The following PIGO variants were observed in gnomAD, a reference collection of about 807,000 sequenced individuals.
PIGO encodes phosphatidylinositol glycan anchor biosynthesis class O.
PIGO carries 66 observed loss-of-function variants against 86.9 expected under a neutral mutation model. The ratio of observed to expected loss-of-function variants is 0.76; its 90% CI spans 0.62 to 0.93. PIGO has a LOEUF of 0.93. PIGO is among the 40% of genes least tolerant of loss of function. The pLI, the probability that PIGO is intolerant of heterozygous loss-of-function variation, is 0.00. For synonymous variants in PIGO, 570 were observed against 556.4 expected (o/e 1.02, Z -0.34); for missense variants, 1,202 against 1,359.1 (o/e 0.88, Z 1.82).
chr9:35,095,539 G>A lies in PIGO; in HGVS notation c.27C>T (p.Phe9=). 1.3e-6 allele frequency: 2 copies of A among 1,593,432 alleles called. No individual in the cohort carries two copies. The highest frequency in any genetic ancestry group is 1.1e-5 in the South Asian group (1 of 88,146). ...AGAAGAGGAAGCAGACCCAGGCCAG[G>A]AAGAGCAACACTGAGGCTTTCTGCA... MQKASVLL[F]LAWVCFLFYA... The change falls in exon 2 of 11, where the codon TTC becomes TTT. Residue 9 remains phenylalanine, a synonymous_variant. Transcript: ENST00000378617.
chr9:35,091,077 A>G (rs1829394119), intron 7 of PIGO, 163 bp downstream of exon 7: 8 of 779,310 alleles, frequency 1.0e-5, no homozygotes, highest in Non-Finnish European at 1.6e-5. Context: ...TTGCTTGGCT[A>G]TGGCAGGTAA....
chr9:35,094,301 G>A lies in PIGO; in HGVS notation c.570C>T (p.Phe190=), dbSNP rs1707335013. 1 of 1,607,876 alleles carries A rather than the reference G, an allele frequency of 6.2e-7. No individual in the cohort carries two copies. The highest frequency in any genetic ancestry group is 1.1e-5 in the South Asian group (1 of 90,394). ...DTWKDLFPGA[F]SKAFFFPSFN... ...AGGATGGGAAGAAGAAAGCTTTGGA[G>A]AAAGCACCAGGGAAAAGGTCTTTCC... The change falls in exon 3 of 11, where the codon TTC becomes TTT. Residue 190 remains phenylalanine, a synonymous_variant. Coordinates refer to ENST00000378617, the MANE Select transcript of PIGO (RefSeq NM_032634.4).
chr9:35,089,751 A>C lies in PIGO; in HGVS notation c.3070-301T>G, dbSNP rs1190313946. On this transcript the variant is annotated intron_variant, in intron 9 of 10. Transcript: ENST00000378617. ...TCTGCCTCTGGAGGAAAGGAAGAGG[A>C]TCCATGACCACAGTTTGGGAAGAAA... 3.6e-6 allele frequency: 5 copies of C among 1,394,788 alleles called. No individual in the cohort carries two copies. In the East Asian group the frequency reaches 1.4e-4, roughly 38 times the overall value. The allele number at this position is 1,394,788 out of a possible 1,614,324, so 86.4% of individuals were successfully genotyped here. A position where few individuals can be genotyped will look rare whatever the true frequency, so the allele number is the denominator to read the frequency against.
Position 35,092,850 on chromosome 9 carries a change from G to A in PIGO, c.1120-83C>T, listed in dbSNP as rs543064455. 5 of 1,411,910 alleles carry A rather than the reference G, an allele frequency of 3.5e-6. No homozygotes were observed. The Admixed American group carries it at 1.2e-4, about 33-fold the overall frequency. The allele number at this position is 1,411,910 out of a possible 1,614,324, so 87.5% of individuals were successfully genotyped here. On this transcript the variant is annotated intron_variant, in intron 6 of 10. Coordinates refer to ENST00000378617, the MANE Select transcript of PIGO (RefSeq NM_032634.4). ...GAGGCAAGAATAGGTATTACAAAAG[G>A]GGGTACCTGGAAGTCAAGGACCCAA...
Position 35,089,127 on chromosome 9 carries a change from A to G in PIGO, c.3235T>C (p.Trp1079Arg), listed in dbSNP as rs1407523324. 6.2e-7 allele frequency: 1 copy of G among 1,614,200 alleles called. No homozygotes were observed. The highest frequency in any genetic ancestry group is 1.1e-5 in the South Asian group (1 of 91,078). Residue 1079 changes from tryptophan to arginine, a missense_variant, in exon 11 of 11, where the codon TGG (tryptophan) becomes CGG (arginine). Transcript: ENST00000378617. ...TGGGCCAGAAATAGCTGCCTGAACC[A>G]GGAGCTCACAGCACCATCCACTCTC... ...VMRVDGAVSS[W>R]FRQLFLAQQR
Position 35,090,207 on chromosome 9 carries a change from T to C in PIGO, c.2928A>G (p.Pro976=), listed in dbSNP as rs1437469961. The C allele has an allele frequency of 1.2e-6, 2 of 1,614,062 alleles. No individual in the cohort carries two copies. The highest frequency in any genetic ancestry group is 1.3e-5 in the African/African-American group (1 of 74,910). The change falls in exon 9 of 11, where the codon CCA becomes CCG. Residue 976 remains proline, a synonymous_variant. Coordinates refer to ENST00000378617, the MANE Select transcript of PIGO (RefSeq NM_032634.4). ...SQGLRKRQQP[P]GNEADARVRP... ...TGACTCTGGCATCAGCTTCATTCCCTGGGGGCTGCTGTCTCTTCCGCAGCC... is the reference window on the plus strand; with the variant it reads ...TGACTCTGGCATCAGCTTCATTCCCCGGGGGCTGCTGTCTCTTCCGCAGCC...
In PIGO at chr9:35,089,393, C is replaced by T. The variant is rs1274878177; in HGVS notation, c.3127G>A (p.Val1043Met). ...AAATCTACTCACTTAGGGGCAAACACTTTCCAGACCATGAGATGCCTGCGA... is the reference window on the plus strand; with the variant it reads ...AAATCTACTCACTTAGGGGCAAACATTTTCCAGACCATGAGATGCCTGCGA... ...ILRRHLMVWK[V>M]FAPKFIFEAV... The change falls in exon 10 of 11, where the codon GTG (valine) becomes ATG (methionine). Residue 1043 changes from valine (V) to methionine (M), a missense_variant. Physicochemically the swap from Val to Met is conservative, Grantham distance 21. Transcript: ENST00000378617. 2 of 1,614,092 alleles carry T rather than the reference C, an allele frequency of 1.2e-6. No homozygotes were observed. The highest frequency in any genetic ancestry group is 3.3e-5 in the Admixed American group (2 of 60,004).
chr9:35,090,733 C>T (rs981267744), intron 7 of PIGO, 61 bp from the exon 8 acceptor site: 3 of 1,512,084 alleles, frequency 2.0e-6, no homozygotes, highest in African/African-American at 2.8e-5. Flanking sequence ...TAGGCTACTG[C>T]TCCACAATCA....
chr9:35,090,123 G>A lies in PIGO; in HGVS notation c.3012C>T (p.His1004=). Residue 1004 remains histidine, a synonymous_variant, in exon 9 of 11, where the codon CAC becomes CAT. Coordinates refer to ENST00000378617, the MANE Select transcript of PIGO (RefSeq NM_032634.4). ...MEMRLRDAPQ[H]FYAALLQLGL... is the part of the protein sequence containing the mutation. ...CCAGCTGCAGCAGTGCTGCATAGAA[G>A]TGCTGAGGCGCATCCCGGAGCCGCA... 1 of 1,614,248 alleles carries A rather than the reference G, an allele frequency of 6.2e-7. No individual in the cohort carries two copies. The highest frequency in any genetic ancestry group is 8.5e-7 in the Non-Finnish European group (1 of 1,180,042).
In PIGO at chr9:35,090,553, C is replaced by T. The variant is rs1285786753; in HGVS notation, c.2767G>A (p.Gly923Arg). The T allele has an allele frequency of 3.7e-6, 6 of 1,614,098 alleles. No homozygotes were observed. The highest frequency in any genetic ancestry group is 5.1e-6 in the Non-Finnish European group (6 of 1,180,042). ...PAIHWHAAFV[G>R]FPEGHGSCTW... ...CAGGAGCCATGACCCTCTGGGAATC[C>T]CACGAAGGCTGCATGCCAATGGATG... is the stretch of plus-strand genomic sequence containing the variant. Residue 923 changes from glycine (G) to arginine (R), a missense_variant, in exon 8 of 11, where the codon GGA becomes AGA. Physicochemically the swap from Gly to Arg is moderately radical, Grantham distance 125. Coordinates refer to ENST00000378617, the MANE Select transcript of PIGO (RefSeq NM_032634.4).
Position 35,089,533 on chromosome 9 carries a change from A to G in PIGO, c.3070-83T>C, listed in dbSNP as rs192061211. The G allele has an allele frequency of 1.7e-3, 2,666 of 1,591,792 alleles. 3 individuals are homozygous for G. Among genetic ancestry groups the G allele is most frequent in the Non-Finnish European group, 2.0e-3 (2,360 of 1,170,492 alleles). On this transcript the variant is annotated intron_variant, in intron 9 of 10. Coordinates refer to ENST00000378617, the MANE Select transcript of PIGO (RefSeq NM_032634.4). ...AAGGAGAGTTTCTATAGGCCCCTGT[A>G]AAAAATGGAAGCAGGAGAATAGTGC...
rs952844998 is a variant in PIGO, at chr9:35,095,194, C to A, written c.372G>T (p.Gln124His). Residue 124 changes from glutamine (Q) to histidine (H), a missense_variant, in exon 2 of 11, where the codon CAG (glutamine) becomes CAT (histidine). Transcript: ENST00000378617. Reference sequence around the variant, plus strand: ...GCATGGTGGTGGTAGGAGGGTCAACCTGAGATCGGTAGAGCCGGGCATGGT... The same window carrying A: ...GCATGGTGGTGGTAGGAGGGTCAACATGAGATCGGTAGAGCCGGGCATGGT... ...QPHHARLYRS[Q>H]VDPPTTTMQR... 1 of 1,614,074 alleles carries A rather than the reference C, an allele frequency of 6.2e-7. No homozygotes were observed.
At position 35,090,258 on chromosome 9, in the gene PIGO, G is replaced by A. The variant is rs1482424424; in HGVS notation, c.2877C>T (p.Leu959=). 6.2e-7 allele frequency: 1 copy of A among 1,614,000 alleles called. No individual in the cohort carries two copies. Among genetic ancestry groups the A allele is most frequent in the Non-Finnish European group, 8.5e-7 (1 of 1,179,942 alleles). The change falls in exon 9 of 11, where the codon CTC becomes CTT. Residue 959 remains leucine (L), a synonymous_variant. Transcript: ENST00000378617. ...CTTGACTCTCACACAGGAAAGGCCAGAGCAGGAGCAGTGGGCAACCTACTG... is the reference window on the plus strand; with the variant it reads ...CTTGACTCTCACACAGGAAAGGCCAAAGCAGGAGCAGTGGGCAACCTACTG... The part of the protein sequence containing the change: ...LFAVGCPLLL[L]WPFLCESQGL...
At position 35,092,359 on chromosome 9, in the gene PIGO, G is replaced by C; in HGVS notation, c.1528C>G (p.Leu510Val). The C allele has an allele frequency of 2.5e-6, 4 of 1,614,228 alleles. No individual in the cohort carries two copies. Among genetic ancestry groups the C allele is most frequent in the Non-Finnish European group, 3.4e-6 (4 of 1,180,040 alleles). ...GCAGCCACAGCCCCTAGAAGCACTA[G>C]ATCTAGCTTCAGCTCAATAGTTCCC... ...LLGTIELKLD[L>V]VLLGAVAAVS... Residue 510 changes from leucine (L) to valine (V), a missense_variant, in exon 7 of 11, where the codon CTA becomes GTA. Transcript: ENST00000378617.
chr9:35,095,018 C>G, intron 2 of PIGO, 37 bp downstream of exon 2: 3 of 1,534,138 alleles, frequency 2.0e-6, no homozygotes, highest in Non-Finnish European at 2.6e-6. Context: ...AGAAATTTGC[C>G]AAGGTACTTC....
In PIGO at chr9:35,095,289, C is replaced by G. The variant is rs1465802509; in HGVS notation, c.277G>C (p.Glu93Gln). ...AQPQHSHVPREPPVSLPFLGK... is the reference protein window; with the variant it reads ...AQPQHSHVPRQPPVSLPFLGK... Reference sequence around the variant, plus strand: ...AGGAAGGGTAGGGAGACAGGAGGCTCTCTAGGCACGTGTGAATGCTGGGGC... The same window carrying G: ...AGGAAGGGTAGGGAGACAGGAGGCTGTCTAGGCACGTGTGAATGCTGGGGC... The change falls in exon 2 of 11, where the codon GAG (glutamate) becomes CAG (glutamine). Residue 93 changes from glutamate to glutamine, a missense_variant. Physicochemically the swap from Glu to Gln is conservative, Grantham distance 29. Coordinates refer to ENST00000378617, the MANE Select transcript of PIGO (RefSeq NM_032634.4). The G allele has an allele frequency of 9.3e-6, 15 of 1,614,176 alleles. No individual in the cohort carries two copies. Among genetic ancestry groups the G allele is most frequent in the African/African-American group, 1.3e-5 (1 of 75,032 alleles).
intron 1 of PIGO, 83 bp from the exon 2 acceptor site, chr9:35,095,649 G>A (rs965819325): frequency 7.2e-7 from 1 of 1,393,936 alleles, no homozygotes; most frequent in African/African-American, 1.5e-5. Context: ...AGCCCAGCTA[G>A]AATCACTTCC....
In PIGO at chr9:35,093,931, T is replaced by C. The variant is rs200782253; in HGVS notation, c.749A>G (p.Lys250Arg). Residue 250 changes from lysine to arginine, a missense_variant, in exon 4 of 11, where the codon AAG (lysine) becomes AGG (arginine). Physicochemically the swap from Lys to Arg is conservative, Grantham distance 26 (BLOSUM62 2). Coordinates refer to ENST00000378617, the MANE Select transcript of PIGO (RefSeq NM_032634.4). ...KHGPHHPEMA[K>R]KLSQMDQVIQ... The stretch of plus-strand genomic sequence containing the variant: ...CACCTGGTCCATCTGGCTAAGTTTC[T>C]TGGCCATTTCAGGGTGGTGAGGGCC... The C allele has an allele frequency of 9.9e-6, 16 of 1,614,080 alleles. No homozygotes were observed. Among genetic ancestry groups the C allele is most frequent in the Non-Finnish European group, 1.3e-5 (15 of 1,180,036 alleles).
rs1374835915 is a variant in PIGO, at chr9:35,089,193, C to A, written c.3169G>T (p.Val1057Leu). 4 of 1,614,060 alleles carry A rather than the reference C, an allele frequency of 2.5e-6. No individual in the cohort carries two copies. In the African/African-American group the frequency reaches 4.0e-5, roughly 16 times the overall value. Residue 1057 changes from valine (V) to leucine (L), a missense_variant, in exon 11 of 11, where the codon GTG (valine) becomes TTG (leucine). Transcript: ENST00000378617. ...CCCAGGAGAAGTCCCACGCTGCTCA[C>A]AATGAAGCCCACAGCCTCAAATATG... ...KFIFEAVGFI[V>L]SSVGLLLGIA...
Sources: allele counts gnomAD v4.1 joint callset, GRCh38; gene constraint gnomAD v4.1.1; transcripts MANE v1.5; gene names NCBI Gene and HGNC (gene_info 2026-07-23, HGNC 2026-07-21).